Variants in VWA3B observed in about 807,000 individuals in gnomAD.
The protein encoded by VWA3B is von Willebrand factor A domain containing 3B.
VWA3B carries 138 observed loss-of-function variants against 158.3 expected under a neutral mutation model. The ratio of observed to expected loss-of-function variants is 0.87; its 90% confidence interval spans 0.76 to 1.00. The LOEUF is 1.00. VWA3B is among the 50% of genes least tolerant of loss of function. The pLI, the probability that VWA3B is intolerant of heterozygous loss-of-function variation, is 0.00. For missense variants in VWA3B, 1,555 were observed against 1,565.1 expected (o/e 0.99, Z 0.11); for synonymous variants, 596 against 587.3 (o/e 1.01, Z -0.21).
intron 19 of VWA3B, among the ~76,000 whole-genome samples, chr2:98,244,643 A>G (rs1210645065): frequency 6.6e-6 from 1 of 152,154 alleles, no homozygotes; most frequent in Non-Finnish European, 1.5e-5. Flanking sequence ...TTAATAAATG[A>G]TTATTTGGGA....
At chr2:98,192,837 G>T in intron 10 of VWA3B, 61 bp from the exon 11 acceptor site, 1 of 1,611,058 alleles carries the variant, frequency 6.2e-7, no homozygotes, top group Non-Finnish European at 8.5e-7. Flanking sequence ...TAAGTTCTTG[G>T]GAAGATGCTC....
rs187437828 is a variant in VWA3B, at chr2:98,169,310, A to G, written c.1114+6334A>G. On this transcript the variant is annotated intron_variant, in intron 8 of 27. Transcript: ENST00000477737. Reference sequence around the variant, plus strand: ...CTGAAATAATTTATCATTGGCACATATTATACATGAAGTGATGTAATAGTA... The same window carrying G: ...CTGAAATAATTTATCATTGGCACATGTTATACATGAAGTGATGTAATAGTA... 2.6e-5 allele frequency among the ~76,000 whole-genome samples: 4 copies of G among 152,378 alleles called. No individual in the cohort carries two copies. In the East Asian group the frequency reaches 7.7e-4, roughly 29 times the overall value.
At chr2:98,196,504 C>G (rs1682054759) in intron 12 of VWA3B, among the ~76,000 whole-genome samples, 1 of 152,202 alleles carries the variant, frequency 6.6e-6, no homozygotes, top group South Asian at 2.1e-4. Flanking sequence ...GTGGTCTGAG[C>G]CTGCTTTGTG....
the VWA3B span, among the ~76,000 whole-genome samples, chr2:98,323,046 G>T: frequency 6.6e-6 from 1 of 152,110 alleles, no homozygotes; most frequent in Non-Finnish European, 1.5e-5. Flanking sequence ...AGAATATATT[G>T]CCTGCAGTCC....
At chr2:98,230,481 C>T (rs1685260897) in intron 16 of VWA3B, among the ~76,000 whole-genome samples, 1 of 152,074 alleles carries the variant, frequency 6.6e-6, no homozygotes, top group Admixed American at 6.6e-5. Context: ...TTCAAATCGT[C>T]CAGTTTTACT....
chr2:98,116,077 A>G (rs1220330649), intron 3 of VWA3B, among the ~76,000 whole-genome samples: 2 of 152,216 alleles, frequency 1.3e-5, no homozygotes, highest in African/African-American at 4.8e-5. Context: ...ATTATCTGAG[A>G]GAAGCATTAG....
At chr2:98,294,694 T>A (rs1689699207) in intron 23 of VWA3B, among the ~76,000 whole-genome samples, 1 of 152,250 alleles carries the variant, frequency 6.6e-6, no homozygotes, top group African/African-American at 2.4e-5. Context: ...CCACAGTGAT[T>A]TCTGCACTAT....
At chr2:98,229,125 A>G (rs1228054940) in intron 15 of VWA3B, among the ~76,000 whole-genome samples, 1 of 152,278 alleles carries the variant, frequency 6.6e-6, no homozygotes, top group African/African-American at 2.4e-5. Context: ...TATAATGGCC[A>G]TCTTACAATA....
chr2:98,197,971 G>C (rs1037260857), intron 12 of VWA3B, among the ~76,000 whole-genome samples: 3 of 151,756 alleles, frequency 2.0e-5, no homozygotes, highest in Non-Finnish European at 2.9e-5. Context: ...TCAGTGGACA[G>C]AGATAGAAAT....
intron 23 of VWA3B, among the ~76,000 whole-genome samples, chr2:98,293,206 T>G (rs1172179738): frequency 1.3e-5 from 2 of 152,138 alleles, no homozygotes; most frequent in Non-Finnish European, 2.9e-5. Context: ...TTTTTTAATG[T>G]GCAATTAGAG....
At chr2:98,127,939 C>G (rs547876055) in intron 5 of VWA3B, among the ~76,000 whole-genome samples, 1 of 152,200 alleles carries the variant, frequency 6.6e-6, no homozygotes, top group Non-Finnish European at 1.5e-5. Flanking sequence ...TTGAAAATAA[C>G]CACTCCGAAC....
At chr2:98,238,119 G>A (rs1192685566) in intron 19 of VWA3B, among the ~76,000 whole-genome samples, 1 of 152,178 alleles carries the variant, frequency 6.6e-6, no homozygotes, top group Admixed American at 6.5e-5. Context: ...AGATGAATTG[G>A]TGAATTTTAT....
chr2:98,311,684 C>T (rs1480832205), intron 26 of VWA3B, 135 bp from the exon 27 acceptor site: 5 of 1,055,696 alleles, frequency 4.7e-6, no homozygotes, highest in East Asian at 2.6e-5. Flanking sequence ...GGGTTCACAG[C>T]GCTCCAGAGA....
At chr2:98,136,359 A>AT (rs1676283111) in intron 7 of VWA3B, among the ~76,000 whole-genome samples, 1 of 152,318 alleles carries the variant, frequency 6.6e-6, no homozygotes, top group African/African-American at 2.4e-5. Flanking sequence ...CCCTGTGCCC[A>AT]TTAAACAGTA....
chr2:98,239,713 A>G (rs1447915112), intron 19 of VWA3B, among the ~76,000 whole-genome samples: 1 of 151,938 alleles, frequency 6.6e-6, no homozygotes, highest in African/African-American at 2.4e-5. Context: ...GGAGATCGAG[A>G]CCATCCTGGC....
intron 10 of VWA3B, among the ~76,000 whole-genome samples, chr2:98,191,128 A>G (rs939605991): frequency 4.1e-5 from 6 of 147,128 alleles, no homozygotes; most frequent in African/African-American, 7.3e-5. Context: ...CTAATGTACT[A>G]TTAATACCAT....
intron 12 of VWA3B, chr2:98,206,049 G>A (rs754502318): frequency 1.3e-5 from 2 of 152,156 alleles, no homozygotes; most frequent in Non-Finnish European, 2.9e-5. Flanking sequence ...TTAGTTGATG[G>A]TATTGTTCAA....
chr2:98,105,826 C>G (rs1187536653), intron 2 of VWA3B, among the ~76,000 whole-genome samples: 1 of 152,050 alleles, frequency 6.6e-6, no homozygotes, highest in Non-Finnish European at 1.5e-5. Context: ...ACTACCCTTC[C>G]TACTTTGAAT....
chr2:98,321,556 T>A, the VWA3B span, among the ~76,000 whole-genome samples: 1 of 152,244 alleles, frequency 6.6e-6, no homozygotes, highest in East Asian at 1.9e-4. Flanking sequence ...ATGACCTGGA[T>A]GTGAGACGTG....
Sources: gnomAD v4.1 joint callset for allele counts (sites outside exome capture counted in the v4.1 genomes callset) on GRCh38, gnomAD v4.1.1 for gene constraint, MANE v1.5 for transcripts, NCBI Gene and HGNC (gene_info 2026-07-23, HGNC 2026-07-21) for gene names.